Variants in CCSER1 observed in about 807,000 individuals in gnomAD.
The protein encoded by CCSER1 is serine-rich coiled-coil domain-containing protein 1.
A neutral mutation model predicts 82.0 loss-of-function variants in CCSER1; 41 were observed. The observed-to-expected ratio is 0.50, with a 90% confidence interval of 0.39 to 0.65. CCSER1 has a LOEUF of 0.65. CCSER1 is among the 30% of genes least tolerant of loss of function. CCSER1 has a pLI of 0.00. For missense variants in CCSER1, 1,119 were observed against 1,064.2 expected (o/e 1.05, Z -0.72); for synonymous variants, 414 against 383.9 (o/e 1.08, Z -0.92).
In CCSER1 at chr4:90,977,376, G is replaced by GTA. The variant is rs780492173; in HGVS notation, c.2172+53939_2172+53940dup. Among the ~76,000 whole-genome samples, 161 of 150,820 alleles carry GTA rather than the reference G, an allele frequency of 1.1e-3. 1 individual carries two copies. The East Asian group carries it at 0.022, about 21-fold the overall frequency. On this transcript the variant is annotated intron_variant, in intron 9 of 10. Coordinates refer to ENST00000509176, the MANE Select transcript of CCSER1 (RefSeq NM_001145065.2). Reference sequence around the variant, plus strand: ...AAAGCAATCTTTGACATATACATACGTATATATATATGTATATATACACAC... The same window carrying GTA: ...AAAGCAATCTTTGACATATACATACGTATATATATATATGTATATATACACAC...
At chr4:90,963,612 G>T (rs1734254302) in intron 9 of CCSER1, among the ~76,000 whole-genome samples, 2 of 151,916 alleles carry the variant, frequency 1.3e-5, no homozygotes, top group African/African-American at 4.8e-5. Flanking sequence ...ACCGAGAAAA[G>T]GCCATTTGAG....
chr4:90,239,727 T>G (rs1389401978), intron 1 of CCSER1, among the ~76,000 whole-genome samples: 2 of 152,184 alleles, frequency 1.3e-5, no homozygotes, highest in African/African-American at 4.8e-5. Flanking sequence ...GACTCCTGCT[T>G]CAGCCTCCCA....
In CCSER1 at chr4:90,331,819, C is replaced by CT. The variant is rs34836949; in HGVS notation, c.1509+18786dup. 2.4e-3 allele frequency among the ~76,000 whole-genome samples: 354 copies of CT among 144,694 alleles called. 7 individuals carry two copies. The East Asian group carries it at 0.029, about 12-fold the overall frequency. 94.9% of individuals were successfully genotyped at this position (144,694 alleles called of 152,430 possible). ...ATGTCTTCCAAGAAATGTAAGACAGCTTTTTTTTTTTTTTAAACTTTGAAA... is the reference window on the plus strand; with the variant it reads ...ATGTCTTCCAAGAAATGTAAGACAGCTTTTTTTTTTTTTTTAAACTTTGAAA... On this transcript the variant is annotated intron_variant, in intron 3 of 10. Coordinates refer to ENST00000509176, the MANE Select transcript of CCSER1 (RefSeq NM_001145065.2).
At chr4:91,026,488 C>A (rs1301538310) in intron 9 of CCSER1, among the ~76,000 whole-genome samples, 1 of 152,054 alleles carries the variant, frequency 6.6e-6, no homozygotes, top group Non-Finnish European at 1.5e-5. Flanking sequence ...AAACTCTATT[C>A]TCTTGTTGTC....
chr4:91,468,151 T>A (rs1050086142), intron 10 of CCSER1, among the ~76,000 whole-genome samples: 19 of 152,058 alleles, frequency 1.2e-4, no homozygotes, highest in African/African-American at 4.6e-4. Flanking sequence ...GCACATATAC[T>A]CCATGGAATA....
chr4:91,419,597 A>G (rs930752158), intron 10 of CCSER1, among the ~76,000 whole-genome samples: 5 of 152,086 alleles, frequency 3.3e-5, no homozygotes, highest in Non-Finnish European at 7.4e-5. Flanking sequence ...CATGGATTGA[A>G]AGAATTAATC....
intron 10 of CCSER1, among the ~76,000 whole-genome samples, chr4:91,401,843 A>G (rs1012908416): frequency 1.4e-4 from 21 of 152,180 alleles, no homozygotes; most frequent in Non-Finnish European, 8.8e-5. Flanking sequence ...TATTGTGAAT[A>G]GTGCCACAAT....
At chr4:90,347,446 A>G (rs1176965257) in intron 3 of CCSER1, among the ~76,000 whole-genome samples, 1 of 152,170 alleles carries the variant, frequency 6.6e-6, no homozygotes, top group South Asian at 2.1e-4. Flanking sequence ...CACTTTTGGC[A>G]GGTGGAGCTA....
chr4:91,593,301 C>A (rs535728456), intron 10 of CCSER1, among the ~76,000 whole-genome samples: 29 of 152,040 alleles, frequency 1.9e-4, no homozygotes, highest in African/African-American at 7.0e-4. Context: ...GAGTTATATG[C>A]AATGTTGGTG....
At position 91,011,163 on chromosome 4, in the gene CCSER1, T is replaced by G. The variant is rs1005250644; in HGVS notation, c.2173-74787T>G. ...GTAAATGCAATGGTACAGCCTCCAG[T>G]GCAGCTTCTTCAGGTGCAATTCACA... On this transcript the variant is annotated intron_variant, in intron 9 of 10. Coordinates refer to ENST00000509176, the MANE Select transcript of CCSER1 (RefSeq NM_001145065.2). Among the ~76,000 whole-genome samples, 6 of 134,552 alleles carry G rather than the reference T, an allele frequency of 4.5e-5. 2 individuals are homozygous for G. The highest frequency in any genetic ancestry group is 2.2e-4 in the Admixed American group (3 of 13,522). 88.3% of individuals were successfully genotyped at this position (134,552 alleles called of 152,430 possible). A position where few individuals can be genotyped will look rare whatever the true frequency, so the allele number is the denominator to read the frequency against.
chr4:91,455,201 A>C (rs1267788503), intron 10 of CCSER1, among the ~76,000 whole-genome samples: 1 of 152,054 alleles, frequency 6.6e-6, no homozygotes, highest in Non-Finnish European at 1.5e-5. Context: ...TGTGTCACCT[A>C]TCCTGGGATC....
chr4:91,532,199 T>C (rs1239460527), intron 10 of CCSER1, among the ~76,000 whole-genome samples: 1 of 152,178 alleles, frequency 6.6e-6, no homozygotes, highest in Non-Finnish European at 1.5e-5. Flanking sequence ...GAAGGAGAGT[T>C]TGGATTTTTA....
chr4:90,612,325 T>C (rs888944416), intron 5 of CCSER1, among the ~76,000 whole-genome samples: 2 of 152,118 alleles, frequency 1.3e-5, no homozygotes, highest in Non-Finnish European at 2.9e-5. Context: ...GATAATTCAG[T>C]AGGACAGGGT....
chr4:90,154,329 T>C (rs1727574457), intron 1 of CCSER1, among the ~76,000 whole-genome samples: 1 of 152,238 alleles, frequency 6.6e-6, no homozygotes, highest in South Asian at 2.1e-4. Flanking sequence ...TCCAGCTTTG[T>C]TCTTTTGGCT....
chr4:91,128,061 C>T (rs1486680744), intron 10 of CCSER1, among the ~76,000 whole-genome samples: 1 of 151,958 alleles, frequency 6.6e-6, no homozygotes, highest in Non-Finnish European at 1.5e-5. Context: ...TGCTGCTGCT[C>T]CCCCACATGC....
At chr4:90,316,632 T>G (rs1404032790) in intron 3 of CCSER1, among the ~76,000 whole-genome samples, 3 of 152,218 alleles carry the variant, frequency 2.0e-5, no homozygotes, top group Non-Finnish European at 4.4e-5. Context: ...ACTTTTAATG[T>G]TAGCATTAAT....
chr4:90,767,294 A>C lies in CCSER1; in HGVS notation c.2010+43303A>C, dbSNP rs145388985. On this transcript the variant is annotated intron_variant, in intron 7 of 10. Coordinates refer to ENST00000509176, the MANE Select transcript of CCSER1 (RefSeq NM_001145065.2). ...TCACAGTTCTAAAAGAAGCAAGTGC[A>C]AATGTAGAGCAATTTTTTTTTTCAT... Among the ~76,000 whole-genome samples, 72 of 149,428 alleles carry C rather than the reference A, an allele frequency of 4.8e-4. 1 individual carries two copies. The East Asian group carries it at 0.012, about 24-fold the overall frequency.
intron 10 of CCSER1, among the ~76,000 whole-genome samples, chr4:91,438,554 G>C (rs538146699): frequency 3.5e-4 from 53 of 152,226 alleles, no homozygotes; most frequent in African/African-American, 1.3e-3. Flanking sequence ...AGAAAAACTG[G>C]ATACTCTAAA....
chr4:90,933,312 T>C (rs918543386), intron 9 of CCSER1, among the ~76,000 whole-genome samples: 79 of 151,448 alleles, frequency 5.2e-4, no homozygotes, highest in African/African-American at 1.5e-3. Flanking sequence ...CTCAGCCTCC[T>C]GAGTAGCTGG....
Sources: gnomAD v4.1 joint callset for allele counts (sites outside exome capture counted in the v4.1 genomes callset) on GRCh38, gnomAD v4.1.1 for gene constraint, MANE v1.5 for transcripts, NCBI Gene and HGNC (gene_info 2026-07-23, HGNC 2026-07-21) for gene names.